COL8A1: variants seen among roughly 807,000 people sequenced by gnomAD.
COL8A1 encodes the protein collagen alpha-1(VIII) chain.
A neutral mutation model predicts 42.7 loss-of-function variants in COL8A1; 21 were observed. The observed-to-expected ratio is 0.49, with a 90% CI of 0.35 to 0.71. The LOEUF (loss-of-function observed/expected upper bound fraction) is 0.71. Among genes scored for constraint, COL8A1 ranks in the 30% least tolerant of loss-of-function variants. The probability of loss-of-function intolerance (pLI) is 0.01; values close to 1 mark genes in which losing one functional copy is unlikely to be tolerated. For missense variants in COL8A1, 788 were observed against 962.4 expected (o/e 0.82, Z 2.40); for synonymous variants, 367 against 369.1 (o/e 0.99, Z 0.06).
intron 1 of COL8A1, among the ~76,000 whole-genome samples, chr3:99,708,465 A>G (rs1022308124): frequency 6.6e-6 from 1 of 152,212 alleles, no homozygotes; most frequent in Non-Finnish European, 1.5e-5. Context: ...TTGCCTTGCC[A>G]GAAAATCACC....
chr3:99,790,604 AT>A, intron 2 of COL8A1, 75 bp from the exon 3 acceptor site: 1 of 1,203,608 alleles, frequency 8.3e-7, no homozygotes, highest in Non-Finnish European at 1.2e-6. Context: ...TTTTTTCCCC[AT>A]TCTATCTCTA....
At chr3:99,654,530 G>A (rs1937951191) in intron 1 of COL8A1, among the ~76,000 whole-genome samples, 1 of 152,146 alleles carries the variant, frequency 6.6e-6, no homozygotes. Flanking sequence ...GCTCACACCT[G>A]TAATCCCAGC....
intron 1 of COL8A1, among the ~76,000 whole-genome samples, chr3:99,646,631 A>G (rs1450989959): frequency 1.3e-5 from 2 of 152,210 alleles, no homozygotes; most frequent in Non-Finnish European, 2.9e-5. Context: ...AAGTATTTAT[A>G]CAAAATCAGT....
intron 1 of COL8A1, among the ~76,000 whole-genome samples, chr3:99,664,164 T>C (rs1001812410): frequency 6.6e-6 from 1 of 152,230 alleles, no homozygotes; most frequent in Admixed American, 6.5e-5. Flanking sequence ...CAATTGTTTG[T>C]TGTTCACTAT....
At chr3:99,740,461 A>C (rs1167371822) in intron 1 of COL8A1, among the ~76,000 whole-genome samples, 1 of 152,184 alleles carries the variant, frequency 6.6e-6, no homozygotes, top group South Asian at 2.1e-4. Flanking sequence ...ACTTACCATC[A>C]TGGCGGAATG....
Position 99,738,873 on chromosome 3 carries a change from G to A in COL8A1, c.-128-6024G>A, listed in dbSNP as rs148122376. 4.7e-3 allele frequency among the ~76,000 whole-genome samples: 714 copies of A among 152,254 alleles called. 10 individuals are homozygous for A. The highest frequency in any genetic ancestry group is 0.016 in the African/African-American group (652 of 41,538). On this transcript the variant is annotated intron_variant, in intron 1 of 3. Transcript: ENST00000652472. ...TCAGACTGCTGTGCTAGCAATCAGC[G>A]AGATTCCGTGGGCGTAGGACCCTCT...
intron 1 of COL8A1, among the ~76,000 whole-genome samples, chr3:99,742,623 G>T (rs1017095559): frequency 6.6e-6 from 1 of 152,160 alleles, no homozygotes; most frequent in Non-Finnish European, 1.5e-5. Flanking sequence ...AAAATATGTG[G>T]TAAGCACTCA....
At chr3:99,793,402 A>G (rs553590449) in intron 3 of COL8A1, among the ~76,000 whole-genome samples, 15 of 152,152 alleles carry the variant, frequency 9.9e-5, no homozygotes, top group Non-Finnish European at 1.9e-4. Flanking sequence ...AAATACAACT[A>G]TAATTTGGAT....
intron 1 of COL8A1, among the ~76,000 whole-genome samples, chr3:99,671,942 T>C (rs1576423796): frequency 6.6e-6 from 1 of 152,040 alleles, no homozygotes; most frequent in Non-Finnish European, 1.5e-5. Flanking sequence ...TATTCAATTA[T>C]GTAGAATATA....
intron 1 of COL8A1, among the ~76,000 whole-genome samples, chr3:99,698,390 A>C (rs964144616): frequency 2.0e-5 from 3 of 152,246 alleles, no homozygotes; most frequent in African/African-American, 7.2e-5. Context: ...AGGAATCGCC[A>C]CACTGTCTTC....
intron 1 of COL8A1, among the ~76,000 whole-genome samples, chr3:99,712,233 T>C (rs1939857066): frequency 1.3e-5 from 2 of 152,310 alleles, no homozygotes; most frequent in East Asian, 1.9e-4. Flanking sequence ...AGTGGTACTT[T>C]CTTTGAGGAA....
At chr3:99,762,566 C>T (rs1941384641) in intron 2 of COL8A1, among the ~76,000 whole-genome samples, 2 of 152,186 alleles carry the variant, frequency 1.3e-5, no homozygotes. Context: ...CCATGGACCA[C>T]AACAGATTTC....
At chr3:99,761,707 CTCTCTGACTTTAGATATCTAGATA>C (rs1466401256) in intron 2 of COL8A1, among the ~76,000 whole-genome samples, 4 of 151,196 alleles carry the variant, frequency 2.6e-5, no homozygotes, top group African/African-American at 9.7e-5. Context: ...CTCTCCAATA[CTCTCTGACTTTAGATATCTAGATA>C]TCTCTGGCTT....
intron 1 of COL8A1, among the ~76,000 whole-genome samples, chr3:99,742,437 A>G (rs1940922197): frequency 6.6e-6 from 1 of 152,238 alleles, no homozygotes; most frequent in Admixed American, 6.5e-5. Flanking sequence ...ATGGTGCTTG[A>G]ATATTAAATA....
chr3:99,649,171 A>G (rs897892354), intron 1 of COL8A1, among the ~76,000 whole-genome samples: 6 of 152,030 alleles, frequency 3.9e-5, no homozygotes, highest in African/African-American at 1.4e-4. Context: ...AAACCAGCCT[A>G]ACCCAAGCTG....
chr3:99,652,073 A>G (rs1021612727), intron 1 of COL8A1, among the ~76,000 whole-genome samples: 3 of 152,226 alleles, frequency 2.0e-5, no homozygotes, highest in Non-Finnish European at 4.4e-5. Context: ...TTTTATATCT[A>G]GCCATAAAAG....
At chr3:99,698,382 G>A (rs1488196044) in intron 1 of COL8A1, among the ~76,000 whole-genome samples, 1 of 152,194 alleles carries the variant, frequency 6.6e-6, no homozygotes, top group Admixed American at 6.5e-5. Context: ...GATCCTTGAG[G>A]AATCGCCACA....
At chr3:99,714,244 T>C (rs1939927493) in intron 1 of COL8A1, among the ~76,000 whole-genome samples, 1 of 152,086 alleles carries the variant, frequency 6.6e-6, no homozygotes, top group Non-Finnish European at 1.5e-5. Context: ...TGTTTTCAAC[T>C]TAGTGCTGTA....
intron 1 of COL8A1, among the ~76,000 whole-genome samples, chr3:99,728,900 T>C (rs548320430): frequency 6.6e-6 from 1 of 152,060 alleles, no homozygotes; most frequent in Non-Finnish European, 1.5e-5. Flanking sequence ...TCTTCTTTAA[T>C]ATTTACCATT....
Sources: allele counts gnomAD v4.1 joint callset (sites outside exome capture counted in the v4.1 genomes callset), GRCh38; gene constraint gnomAD v4.1.1; transcripts MANE v1.5; gene names NCBI Gene and HGNC (gene_info 2026-07-23, HGNC 2026-07-21).